Variants in GRIP1 observed in about 807,000 individuals in gnomAD.
GRIP1 encodes glutamate receptor-interacting protein 1.
A neutral mutation model predicts 129.9 loss-of-function variants in GRIP1; 45 were observed. That is an observed-to-expected ratio of 0.35 (90% CI 0.27 to 0.44). The LOEUF is 0.44. Among genes scored for constraint, GRIP1 ranks in the 20% least tolerant of loss-of-function variants. The pLI, the probability that GRIP1 is intolerant of heterozygous loss-of-function variation, is 1.00. For synonymous variants in GRIP1, 530 were observed against 520.8 expected (o/e 1.02, Z -0.24); for missense variants, 1,196 against 1,396.8 (o/e 0.86, Z 2.29).
chr12:66,571,034 G>T (rs2062942666), intron 2 of GRIP1: 1 of 152,192 alleles, frequency 6.6e-6, no homozygotes, highest in Non-Finnish European at 1.5e-5. Context: ...TCCACATCCA[G>T]TCTTCTTTCT....
intron 23 of GRIP1, among the ~76,000 whole-genome samples, chr12:66,361,392 A>AC (rs1266893331): frequency 6.6e-6 from 1 of 152,192 alleles, no homozygotes. Context: ...GCCAGGGGCT[A>AC]CCCTGGCCCT....
chr12:66,579,209 A>G (rs1279153829), intron 2 of GRIP1, among the ~76,000 whole-genome samples: 21 of 152,362 alleles, frequency 1.4e-4, no homozygotes, highest in Admixed American at 1.4e-3. Context: ...CCTGTCTGTT[A>G]GAAGGAAAAC....
At chr12:66,394,185 A>G (rs1452189813) in intron 17 of GRIP1, 23 bp downstream of exon 17, 3 of 1,606,938 alleles carry the variant, frequency 1.9e-6, no homozygotes, top group East Asian at 2.2e-5. Flanking sequence ...ACAGGTAATT[A>G]TAACAGTTAC....
chr12:67,000,828 T>C (rs1008952467), intron 1 of GRIP1, among the ~76,000 whole-genome samples: 1 of 152,024 alleles, frequency 6.6e-6, no homozygotes, highest in African/African-American at 2.4e-5. Flanking sequence ...ATTTAGCAAA[T>C]ACAAAAAAAG....
At chr12:66,537,751 G>A (rs1426631069) in intron 4 of GRIP1, among the ~76,000 whole-genome samples, 1 of 152,104 alleles carries the variant, frequency 6.6e-6, no homozygotes, top group East Asian at 1.9e-4. Flanking sequence ...TTCATTGTTA[G>A]TGATGCCTTT....
rs146208356 is a variant in GRIP1 at position 66,966,388 on chromosome 12, C to T, written c.58+102662G>A. 4.9e-3 allele frequency among the ~76,000 whole-genome samples: 750 copies of T among 152,276 alleles called. 5 individuals carry two copies. The highest frequency in any genetic ancestry group is 8.3e-3 in the Non-Finnish European group (566 of 68,016). On this transcript the variant is annotated intron_variant, in intron 1 of 1. Transcript: ENST00000643019. ...ACAGTTTCACCTATTTGTTTCATCGCTCCACTTATATCAACCCAGAGAGTT... is the reference window on the plus strand; with the variant it reads ...ACAGTTTCACCTATTTGTTTCATCGTTCCACTTATATCAACCCAGAGAGTT...
intron 15 of GRIP1, among the ~76,000 whole-genome samples, chr12:66,414,313 G>C (rs949666285): frequency 2.0e-5 from 3 of 152,052 alleles, no homozygotes; most frequent in African/African-American, 7.2e-5. Context: ...GGCAAGCAGA[G>C]AGCCAAATAA....
chr12:66,736,500 T>C (rs1224995731), intron 1 of GRIP1, among the ~76,000 whole-genome samples: 1 of 151,680 alleles, frequency 6.6e-6, no homozygotes, highest in Non-Finnish European at 1.5e-5. Flanking sequence ...AAGAAAATCA[T>C]AAGGAAGAGA....
chr12:66,842,234 C>T lies in GRIP1; in HGVS notation c.58+226816G>A, dbSNP rs145786952. On this transcript the variant is annotated intron_variant, in intron 1 of 1. Coordinates refer to the GRIP1 transcript ENST00000643019. ...TATTTCCTATTAGTTCTCTTCTATA[C>T]GTAACTCATATAATCAAGATCTTAT... 2.2e-3 allele frequency among the ~76,000 whole-genome samples: 327 copies of T among 151,998 alleles called. 2 individuals carry two copies. The highest frequency in any genetic ancestry group is 0.02 in the Middle Eastern group (6 of 294).
At chr12:66,646,914 CCT>C (rs1288736230) in intron 1 of GRIP1, among the ~76,000 whole-genome samples, 1 of 152,118 alleles carries the variant, frequency 6.6e-6, no homozygotes, top group Non-Finnish European at 1.5e-5. Flanking sequence ...CAGCTGTAGA[CCT>C]CTCTATTCTC....
chr12:66,541,808 C>T lies in GRIP1; in HGVS notation c.272+7G>A, dbSNP rs1316839916. On this transcript the variant is annotated splice_region_variant and intron_variant, in intron 3 of 24. Transcript: ENST00000359742. ...CCTTTCAGTAGATTTCCCCAAGAGG[C>T]AGTTACCTAGCAGCAATTCCTCCTT... The T allele has an allele frequency of 6.2e-7, 1 of 1,613,758 alleles. No homozygotes were observed. The highest frequency in any genetic ancestry group is 1.1e-5 in the South Asian group (1 of 91,076).
intron 1 of GRIP1, among the ~76,000 whole-genome samples, chr12:66,860,032 CAGTCAGGA>C (rs1458923895): frequency 6.6e-6 from 1 of 152,118 alleles, no homozygotes; most frequent in Non-Finnish European, 1.5e-5. Flanking sequence ...TCATCACCTT[CAGTCAGGA>C]AGTCACCTTA....
intron 1 of GRIP1, among the ~76,000 whole-genome samples, chr12:66,708,881 T>A (rs772597423): frequency 1.3e-5 from 2 of 151,678 alleles, no homozygotes; most frequent in African/African-American, 4.8e-5. Context: ...TGGCAAAAAA[T>A]GATATTTTTT....
chr12:66,966,346 C>T (rs115266090), intron 1 of GRIP1, among the ~76,000 whole-genome samples: 3,788 of 152,164 alleles, frequency 0.025, 96 homozygotes, highest in East Asian at 0.094. Context: ...ACAAAAATTG[C>T]AAAAATTACA....
intron 1 of GRIP1, among the ~76,000 whole-genome samples, chr12:66,705,541 A>C (rs1260521538): frequency 6.6e-6 from 1 of 152,210 alleles, no homozygotes; most frequent in East Asian, 1.9e-4. Context: ...TCTTCACAGA[A>C]TTAGAAAAAA....
In GRIP1 at chr12:66,757,415, A is replaced by AT. The variant is rs553900234; in HGVS notation, c.-420+46637dup. On this transcript the variant is annotated intron_variant, in intron 1 of 4. Transcript: ENST00000538373. ...ATGTTATTGCAAATAATAAGATCTC[A>AT]TTTTTTTTGTCTGTATAAGTCAATT... 2.2e-4 allele frequency among the ~76,000 whole-genome samples: 34 copies of AT among 151,956 alleles called. 2 individuals carry two copies. The East Asian group carries it at 4.4e-3, about 20-fold the overall frequency.
chr12:66,927,882 A>C (rs1031252443), intron 1 of GRIP1, among the ~76,000 whole-genome samples: 1 of 152,230 alleles, frequency 6.6e-6, no homozygotes, highest in African/African-American at 2.4e-5. Context: ...GAGTGAGTAC[A>C]TGACCTATGT....
chr12:66,543,676 A>C (rs2061857935), intron 2 of GRIP1, among the ~76,000 whole-genome samples: 1 of 152,200 alleles, frequency 6.6e-6, no homozygotes, highest in Non-Finnish European at 1.5e-5. Flanking sequence ...TTTTAAAATA[A>C]AGTTAATAAT....
At chr12:66,533,938 G>A (rs2061536049) in intron 4 of GRIP1, among the ~76,000 whole-genome samples, 1 of 151,610 alleles carries the variant, frequency 6.6e-6, no homozygotes, top group Non-Finnish European at 1.5e-5. Context: ...GTGGTTAGCT[G>A]AGACTCAAAC....
Sources: allele counts gnomAD v4.1 joint callset (sites outside exome capture counted in the v4.1 genomes callset), GRCh38; gene constraint gnomAD v4.1.1; transcripts MANE v1.5; gene names NCBI Gene and HGNC (gene_info 2026-07-23, HGNC 2026-07-21).